Variants in NLRP5 observed in about 807,000 individuals in gnomAD.
NLRP5 encodes NLR family pyrin domain containing 5.
In NLRP5, 93 loss-of-function variants were observed where a neutral mutation model predicts 113.1. The ratio of observed to expected loss-of-function variants is 0.82; its 90% confidence interval spans 0.70 to 0.98. The LOEUF is 0.98. Among genes scored for constraint, NLRP5 ranks in the 50% least tolerant of loss-of-function variants. The pLI, the probability that NLRP5 is intolerant of heterozygous loss-of-function variation, is 0.00. For synonymous variants in NLRP5, 751 were observed against 600.7 expected, an observed-to-expected ratio of 1.25 and a Z score of -3.66; for missense variants, 1,808 against 1,514.3, an observed-to-expected ratio of 1.19 and a Z score of -3.22.
At chr19:55,988,438 G>GTATATA in the NLRP5 span, 1,352 of 91,636 alleles carry the variant, frequency 0.015, 20 homozygotes, top group East Asian at 0.049. Context: ...ATATATATGT[G>GTATATA]TGTGTGTATA....
chr19:56,039,816 A>C (rs543949963), intron 10 of NLRP5, among the ~76,000 whole-genome samples: 2 of 152,264 alleles, frequency 1.3e-5, no homozygotes, highest in African/African-American at 4.8e-5. Flanking sequence ...CGGGAGGCTG[A>C]GGCAGGAGAC....
chr19:56,044,356 G>A (rs964546896), intron 11 of NLRP5, among the ~76,000 whole-genome samples: 2 of 152,138 alleles, frequency 1.3e-5, no homozygotes, highest in East Asian at 1.9e-4. Context: ...ACCCGGCCAG[G>A]TTTAAGTCTC....
intron 6 of NLRP5, among the ~76,000 whole-genome samples, chr19:56,023,464 T>C (rs550808570): frequency 6.6e-6 from 1 of 152,272 alleles, no homozygotes; most frequent in South Asian, 2.1e-4. Context: ...CGATCAAAAA[T>C]ATTCAGGAAA....
chr19:56,008,716 C>T lies in NLRP5; in HGVS notation c.443-72C>T, dbSNP rs199475764. ...TCCCCTCCATAATTTGGACACGGGACATTCTTATCCTTGGCTTGGGTAATT... is the reference window on the plus strand; with the variant it reads ...TCCCCTCCATAATTTGGACACGGGATATTCTTATCCTTGGCTTGGGTAATT... On this transcript the variant is annotated intron_variant, in intron 2 of 14. Coordinates refer to ENST00000390649, the MANE Select transcript of NLRP5 (RefSeq NM_153447.4). 230 of 1,334,230 alleles carry T rather than the reference C, an allele frequency of 1.7e-4. 2 individuals carry two copies. In the East Asian group the frequency reaches 3.8e-3, roughly 22 times the overall value. The allele number at this position is 1,334,230 out of a possible 1,614,324, so 82.6% of individuals were successfully genotyped here. A position where few individuals can be genotyped will look rare whatever the true frequency, so the allele number is the denominator to read the frequency against.
chr19:56,018,804 G>A (rs1319716295), intron 4 of NLRP5: 1 of 154,074 alleles, frequency 6.5e-6, no homozygotes, highest in Non-Finnish European at 1.4e-5. Context: ...TGTAGGTTTT[G>A]CCCCTCATTT....
intron 2 of NLRP5, among the ~76,000 whole-genome samples, chr19:56,007,889 G>GTGTGTGTGT (rs748749686): frequency 1.2e-5 from 1 of 86,222 alleles, no homozygotes; most frequent in African/African-American, 4.5e-5. Context: ...GTGTGTGTGT[G>GTGTGTGTGT]CGCGTGCGCG....
chr19:56,016,131 T>C lies in NLRP5; in HGVS notation c.565+333T>C, dbSNP rs75188903. Among the ~76,000 whole-genome samples, 1,078 of 152,312 alleles carry C rather than the reference T, an allele frequency of 7.1e-3. 10 individuals are homozygous for C. Among genetic ancestry groups the C allele is most frequent in the African/African-American group, 0.024 (982 of 41,566 alleles). On this transcript the variant is annotated intron_variant, in intron 4 of 14. Coordinates refer to ENST00000390649, the MANE Select transcript of NLRP5 (RefSeq NM_153447.4). ...TGTATCCATCACCTCAAATATTCTTTGTGCTGAGAACATTTTATTTTTACT... is the reference window on the plus strand; with the variant it reads ...TGTATCCATCACCTCAAATATTCTTCGTGCTGAGAACATTTTATTTTTACT...
chr19:56,021,706 A>G (rs1383930541), intron 6 of NLRP5, among the ~76,000 whole-genome samples: 1 of 152,056 alleles, frequency 6.6e-6, no homozygotes, highest in African/African-American at 2.4e-5. Context: ...CATTTTCTTC[A>G]TCTGTTGTTC....
chr19:56,003,914 A>G lies in NLRP5; in HGVS notation c.261A>G (p.Lys87=), dbSNP rs749731517. Reference sequence around the variant, plus strand: ...CATTCAAGGAATTACTAAAGAAGAAATCTTCAGAATCGACCACATGCTCTA... The same window carrying G: ...CATTCAAGGAATTACTAAAGAAGAAGTCTTCAGAATCGACCACATGCTCTA... The change falls in exon 2 of 15, where the codon AAA becomes AAG. Residue 87 remains lysine (K), a synonymous_variant. Transcript: ENST00000390649. The G allele has an allele frequency of 3.7e-5, 60 of 1,613,924 alleles. No homozygotes were observed. Among genetic ancestry groups the G allele is most frequent in the Non-Finnish European group, 5.0e-5 (59 of 1,179,904 alleles).
chr19:56,030,765 A>T (rs565408990), intron 7 of NLRP5, among the ~76,000 whole-genome samples: 59 of 114,652 alleles, frequency 5.1e-4, no homozygotes, highest in Non-Finnish European at 7.9e-4. Context: ...CCCAGGCTGG[A>T]GTGCAGTGGT....
chr19:56,051,346 C>G (rs967777279), intron 12 of NLRP5, among the ~76,000 whole-genome samples: 1 of 152,164 alleles, frequency 6.6e-6, no homozygotes, highest in Admixed American at 6.5e-5. Context: ...GCATGTGCCA[C>G]CAGTCCCGGC....
rs754573571 is a variant in NLRP5 at position 56,053,705 on chromosome 19, C to G, written c.3196C>G (p.His1066Asp). The stretch of plus-strand genomic sequence containing the variant: ...GTCCTGTGTGATCTCGAGGAGCAGA[C>G]ACCTGAAGAGCCTGGATCTCACGGA... Residue 1066 changes from histidine to aspartate, a missense_variant, in exon 13 of 15, where the codon CAC becomes GAC. Coordinates refer to ENST00000390649, the MANE Select transcript of NLRP5 (RefSeq NM_153447.4). 2.9e-5 allele frequency: 47 copies of G among 1,613,816 alleles called. No homozygotes were observed. In the South Asian group the frequency reaches 5.1e-4, roughly 17 times the overall value.
intron 3 of NLRP5, among the ~76,000 whole-genome samples, chr19:56,014,926 C>T (rs1315947859): frequency 6.6e-6 from 1 of 152,108 alleles, no homozygotes; most frequent in Non-Finnish European, 1.5e-5. Flanking sequence ...ATCAGCTTTA[C>T]AATTTCTGCA....
intron 3 of NLRP5, among the ~76,000 whole-genome samples, chr19:56,009,802 C>T (rs1331888741): frequency 6.6e-6 from 1 of 152,146 alleles, no homozygotes; most frequent in Non-Finnish European, 1.5e-5. Context: ...GGGTTGAAGC[C>T]AACCTCGTTT....
chr19:56,054,686 A>G (rs1984063798), intron 13 of NLRP5, among the ~76,000 whole-genome samples: 1 of 152,198 alleles, frequency 6.6e-6, no homozygotes, highest in African/African-American at 2.4e-5. Flanking sequence ...CCATTTGTAT[A>G]AAATACCCAA....
At chr19:56,006,512 A>G (rs1203955969) in intron 2 of NLRP5, among the ~76,000 whole-genome samples, 1 of 151,938 alleles carries the variant, frequency 6.6e-6, no homozygotes, top group Non-Finnish European at 1.5e-5. Flanking sequence ...TGGGTGGATC[A>G]TTTGAGGTCA....
chr19:56,031,620 C>G (rs948810024), intron 7 of NLRP5, among the ~76,000 whole-genome samples: 3 of 124,254 alleles, frequency 2.4e-5, no homozygotes, highest in Non-Finnish European at 5.0e-5. Flanking sequence ...GATAGAGACT[C>G]CGTCTCCAAA....
the NLRP5 span, among the ~76,000 whole-genome samples, chr19:55,990,401 T>C: frequency 6.6e-6 from 1 of 152,034 alleles, no homozygotes; most frequent in East Asian, 2.0e-4. Flanking sequence ...TTCAAAATCC[T>C]TCTAATAGGC....
upstream of NLRP5, among the ~76,000 whole-genome samples, chr19:55,997,187 GT>G (rs966021148): frequency 9.9e-5 from 15 of 151,620 alleles, no homozygotes; most frequent in African/African-American, 3.4e-4. Context: ...GGGGTTGTTT[GT>G]TTTTTTTCTT....
Sources: allele counts gnomAD v4.1 joint callset (sites outside exome capture counted in the v4.1 genomes callset), GRCh38; gene constraint gnomAD v4.1.1; transcripts MANE v1.5; gene names NCBI Gene and HGNC (gene_info 2026-07-23, HGNC 2026-07-21).